The following PDE10A variants were observed in gnomAD, a reference collection of about 807,000 sequenced individuals.
PDE10A encodes cAMP and cAMP-inhibited cGMP 3',5'-cyclic phosphodiesterase 10A.
Under a neutral mutation model 97.7 loss-of-function variants are expected in PDE10A, and 39 were observed. That is an observed-to-expected ratio of 0.40 (90% CI 0.31 to 0.52). The LOEUF is 0.52. Ranked by LOEUF, PDE10A falls within the 20% of genes least tolerant of loss-of-function variation. The pLI is 0.56. For synonymous variants in PDE10A, 371 were observed against 376.8 expected, an observed-to-expected ratio of 0.98 and a Z score of 0.18; for missense variants, 731 against 1,047.8, an observed-to-expected ratio of 0.70 and a Z score of 4.17.
intron 2 of PDE10A, among the ~76,000 whole-genome samples, chr6:165,539,832 C>T (rs1783320129): frequency 6.6e-6 from 1 of 152,064 alleles, no homozygotes; most frequent in Non-Finnish European, 1.5e-5. Flanking sequence ...GAGGCTGAGG[C>T]AGGAGAATCA....
chr6:165,893,295 TGGTCCACATTA>T (rs1781853725), intron 1 of PDE10A, among the ~76,000 whole-genome samples: 1 of 152,230 alleles, frequency 6.6e-6, no homozygotes, highest in Non-Finnish European at 1.5e-5. Context: ...GCCCTTTTTT[TGGTCCACATTA>T]AATTTAGTTG....
chr6:165,987,530 C>A (rs1168407758), exon 1 of PDE10A: 5 of 364,718 alleles, frequency 1.4e-5, no homozygotes, highest in African/African-American at 1.1e-4. Flanking sequence ...TCAACTTACC[C>A]GCCAAAGTAT....
At position 165,692,114 on chromosome 6, in the gene PDE10A, C is replaced by A. The variant is rs556591132; in HGVS notation, c.-614-148546G>T. ...ACAGGGTTAATCCTCAAATATAGACCTGGTTCCTGGGCCGGTGAGTGCAGG... is the reference window on the plus strand; with the variant it reads ...ACAGGGTTAATCCTCAAATATAGACATGGTTCCTGGGCCGGTGAGTGCAGG... On this transcript the variant is annotated intron_variant, in intron 1 of 19. Transcript: ENST00000366882. Among the ~76,000 whole-genome samples, 6 of 152,226 alleles carry A rather than the reference C, an allele frequency of 3.9e-5. No homozygotes were observed. The East Asian group carries it at 1.2e-3, about 29-fold the overall frequency.
intron 10 of PDE10A, among the ~76,000 whole-genome samples, chr6:165,421,794 G>A (rs1788712161): frequency 6.6e-6 from 1 of 152,318 alleles, no homozygotes; most frequent in South Asian, 2.1e-4. Context: ...TGGGTGCAGG[G>A]GCTCACGCTG....
chr6:165,763,810 C>A (rs1793308793), intron 1 of PDE10A, among the ~76,000 whole-genome samples: 1 of 152,214 alleles, frequency 6.6e-6, no homozygotes, highest in South Asian at 2.1e-4. Context: ...CTGTGAGCAA[C>A]CAGCATAGGA....
At chr6:165,607,382 A>G (rs11962604) in intron 1 of PDE10A, among the ~76,000 whole-genome samples, 4,846 of 152,326 alleles carry the variant, frequency 0.032, 227 homozygotes, top group African/African-American at 0.11. Context: ...TCCTAATGGT[A>G]TAGCACAACA....
At position 165,885,751 on chromosome 6, in the gene PDE10A, C is replaced by T. The variant is rs148784633; in HGVS notation, c.-615+101778G>A. ...TTGCCTTTATTGGATGCCTTTGATA[C>T]ATGGGCAATGCCAAATGAACAATTA... On this transcript the variant is annotated intron_variant, in intron 1 of 19. Transcript: ENST00000366882. Among the ~76,000 whole-genome samples the T allele has an allele frequency of 3.3e-5, 5 of 152,372 alleles. No homozygotes were observed. In the East Asian group the frequency reaches 9.6e-4, roughly 29 times the overall value.
intron 2 of PDE10A, among the ~76,000 whole-genome samples, chr6:165,519,701 T>C (rs1782021270): frequency 6.6e-6 from 1 of 152,188 alleles, no homozygotes; most frequent in Non-Finnish European, 1.5e-5. Flanking sequence ...TAGCTTTCTT[T>C]CAAGCTATGA....
rs1156481711 is a variant in PDE10A, at chr6:165,659,209, A to C, written c.865+2738T>G. Reference sequence around the variant, plus strand: ...ATAAAAATAAAACCAGCATTCATACAAACAGTAACTGGACAAAACAGCCTT... The same window carrying C: ...ATAAAAATAAAACCAGCATTCATACCAACAGTAACTGGACAAAACAGCCTT... On this transcript the variant is annotated intron_variant, in intron 1 of 21. Transcript: ENST00000539869. Among the ~76,000 whole-genome samples, 4 of 152,302 alleles carry C rather than the reference A, an allele frequency of 2.6e-5. No homozygotes were observed. In the South Asian group the frequency reaches 8.3e-4, roughly 32 times the overall value.
At chr6:165,974,667 G>C (rs1784797368) in intron 1 of PDE10A, among the ~76,000 whole-genome samples, 1 of 152,224 alleles carries the variant, frequency 6.6e-6, no homozygotes, top group Admixed American at 6.5e-5. Context: ...TTGCACATCT[G>C]TTTTACATCT....
At chr6:165,396,497 A>G (rs915228214) in intron 13 of PDE10A, 38 bp from the exon 14 acceptor site, 1 of 1,571,640 alleles carries the variant, frequency 6.4e-7, no homozygotes, top group African/African-American at 1.4e-5. Context: ...CCCAAAATTA[A>G]AAGAATATTT....
intron 1 of PDE10A, among the ~76,000 whole-genome samples, chr6:165,854,248 G>C (rs1315364368): frequency 2.0e-5 from 3 of 152,224 alleles, no homozygotes; most frequent in Non-Finnish European, 4.4e-5. Flanking sequence ...GGACGTCAGG[G>C]TGGAGCCCGG....
intron 1 of PDE10A, among the ~76,000 whole-genome samples, chr6:165,793,108 C>T (rs1778702196): frequency 6.6e-6 from 1 of 152,068 alleles, no homozygotes; most frequent in Non-Finnish European, 1.5e-5. Flanking sequence ...ATACAACAGA[C>T]TCTGAAGACT....
chr6:165,689,665 T>A (rs1455259376), intron 1 of PDE10A, among the ~76,000 whole-genome samples: 1 of 152,208 alleles, frequency 6.6e-6, no homozygotes, highest in Non-Finnish European at 1.5e-5. Context: ...TCTTCCGCCG[T>A]GAGCGGAAGC....
chr6:165,618,081 C>T (rs1440694067), intron 1 of PDE10A, among the ~76,000 whole-genome samples: 1 of 152,128 alleles, frequency 6.6e-6, no homozygotes, highest in African/African-American at 2.4e-5. Flanking sequence ...AATCTAGTGA[C>T]ACTGCTTCTC....
In PDE10A at chr6:165,662,204, A is replaced by G. The variant is rs1410431944; in HGVS notation, c.608T>C (p.Leu203Ser). 1.5e-4 allele frequency: 30 copies of G among 203,722 alleles called. No individual in the cohort carries two copies. In the East Asian group the frequency reaches 4.6e-3, roughly 31 times the overall value. 12.6% of individuals were successfully genotyped at this position (203,722 alleles called of 1,614,324 possible). The change falls in exon 1 of 22, where the codon TTG (leucine) becomes TCG (serine). Residue 203 changes from leucine (L) to serine (S), a missense_variant. Physicochemically the swap from Leu to Ser is moderately radical, Grantham distance 145 (BLOSUM62 -2). This residue lies in a region of PDE10A where 181 missense variants were observed against 159.1 expected (regional missense o/e 1.14). Transcript: ENST00000539869. The part of the protein sequence containing the change: ...RLFLSPALQG[L>S]LLPARAGPRP... ...GGGACCGGCACGGGCTGGAAGCAGCAAGCCCTGGAGCGCAGGCGAGAGGAA... is the reference window on the plus strand; with the variant it reads ...GGGACCGGCACGGGCTGGAAGCAGCGAGCCCTGGAGCGCAGGCGAGAGGAA...
At chr6:165,713,444 T>A (rs1459055704) in intron 1 of PDE10A, among the ~76,000 whole-genome samples, 1 of 152,210 alleles carries the variant, frequency 6.6e-6, no homozygotes, top group Non-Finnish European at 1.5e-5. Flanking sequence ...CTTAGCATTG[T>A]CCGTTTTCAC....
At chr6:165,510,719 T>C (rs1344792768) in intron 2 of PDE10A, among the ~76,000 whole-genome samples, 1 of 152,114 alleles carries the variant, frequency 6.6e-6, no homozygotes, top group African/African-American at 2.4e-5. Context: ...TATTGGTCTA[T>C]TCAGGTTTTC....
chr6:165,914,676 A>G (rs1660921844), intron 1 of PDE10A, among the ~76,000 whole-genome samples: 1 of 152,220 alleles, frequency 6.6e-6, no homozygotes, highest in Non-Finnish European at 1.5e-5. Context: ...TTCCTTTCCC[A>G]AACCAAGTGA....
Sources: allele counts gnomAD v4.1 joint callset (sites outside exome capture counted in the v4.1 genomes callset), GRCh38; gene constraint gnomAD v4.1.1; regional missense constraint gnomAD v4.1.1; transcripts MANE v1.5; gene names NCBI Gene and HGNC (gene_info 2026-07-23, HGNC 2026-07-21).